The following EIF2AK4 variants were observed in gnomAD, a reference collection of about 807,000 sequenced individuals.
EIF2AK4 encodes eukaryotic translation initiation factor 2 alpha kinase 4, also known as eIF-2-alpha kinase GCN2.
In EIF2AK4, 139 loss-of-function variants were observed where a neutral mutation model predicts 211.1. That is an observed-to-expected ratio of 0.66 (90% confidence interval 0.57 to 0.76). The LOEUF (loss-of-function observed/expected upper bound fraction) is 0.76, where lower values mean the gene tolerates loss of function less well. EIF2AK4 is among the 30% of genes least tolerant of loss of function. The pLI, the probability that EIF2AK4 is intolerant of heterozygous loss-of-function variation, is 0.00. For synonymous variants in EIF2AK4, 710 were observed against 751.3 expected (o/e 0.94, Z 0.90); for missense variants, 1,664 against 2,043.8 (o/e 0.81, Z 3.58).
At chr15:40,013,166 A>AT (rs559942565) in intron 27 of EIF2AK4, among the ~76,000 whole-genome samples, 1 of 152,114 alleles carries the variant, frequency 6.6e-6, no homozygotes. Flanking sequence ...TTAAATTTAA[A>AT]TTTTTTTCTT....
chr15:39,992,459 G>T, intron 17 of EIF2AK4: 2 of 532,188 alleles, frequency 3.8e-6, no homozygotes, highest in Non-Finnish European at 6.6e-6. Context: ...TGGCTCCCAG[G>T]GGTAGACAGT....
In EIF2AK4 at chr15:39,976,548, C is replaced by T; in HGVS notation, c.1953C>T (p.Tyr651=). ...TGCACCATGAGAACATTGTGCGCTA[C>T]TACAACGCCTGGATCGAGCGGCACG... The part of the protein sequence containing the change: ...SRLHHENIVR[Y]YNAWIERHER... Residue 651 remains tyrosine, a synonymous_variant, in exon 12 of 39, where the codon TAC becomes TAT. Coordinates refer to ENST00000263791, the MANE Select transcript of EIF2AK4 (RefSeq NM_001013703.4). 6.2e-7 allele frequency: 1 copy of T among 1,613,114 alleles called. No homozygotes were observed. Among genetic ancestry groups the T allele is most frequent in the Non-Finnish European group, 8.5e-7 (1 of 1,179,910 alleles).
intron 3 of EIF2AK4, among the ~76,000 whole-genome samples, chr15:39,945,977 A>G (rs1433401799): frequency 1.3e-5 from 2 of 152,202 alleles, no homozygotes; most frequent in Non-Finnish European, 2.9e-5. Context: ...TCCCTTTAAA[A>G]TATTATTGCT....
At chr15:40,022,993 C>T (rs950331157) in intron 32 of EIF2AK4, among the ~76,000 whole-genome samples, 8 of 152,156 alleles carry the variant, frequency 5.3e-5, no homozygotes, top group African/African-American at 1.9e-4. Context: ...TCCCAAAGTG[C>T]TGGGATTACA....
At position 40,007,022 on chromosome 15, in the gene EIF2AK4, T is replaced by C; in HGVS notation, c.3364T>C (p.Phe1122Leu). 1 of 1,597,924 alleles carries C rather than the reference T, an allele frequency of 6.3e-7. No homozygotes were observed. The highest frequency in any genetic ancestry group is 1.7e-5 in the Admixed American group (1 of 59,582). ...VMLPFDLRIP[F>L]ARYVARNNIL... Reference sequence around the variant, plus strand: ...TATTTTGTTTATTTTTCAGATCCCTTTTGCAAGATATGTGGCAAGAAATAA... The same window carrying C: ...TATTTTGTTTATTTTTCAGATCCCTCTTGCAAGATATGTGGCAAGAAATAA... Residue 1122 changes from phenylalanine to leucine, a missense_variant, in exon 24 of 39, where the codon TTT (phenylalanine) becomes CTT (leucine). Phe to Leu is a conservative substitution (Grantham distance 22). Around this residue, in one of 7 missense-constraint regions of EIF2AK4, gnomAD observed 622 missense variants for 796.8 expected, o/e 0.78. Coordinates refer to ENST00000263791, the MANE Select transcript of EIF2AK4 (RefSeq NM_001013703.4).
intron 4 of EIF2AK4, among the ~76,000 whole-genome samples, chr15:39,953,417 G>T (rs2034346824): frequency 6.6e-6 from 1 of 152,186 alleles, no homozygotes; most frequent in African/African-American, 2.4e-5. Context: ...AGAAAATACA[G>T]GTGATTGAAG....
intron 3 of EIF2AK4, chr15:39,946,441 C>A: frequency 1.6e-6 from 1 of 625,250 alleles, no homozygotes; most frequent in South Asian, 1.9e-5. Context: ...TTGCTGCAAC[C>A]TCATGATAAA....
chr15:40,022,783 G>A (rs1404435736), intron 32 of EIF2AK4, among the ~76,000 whole-genome samples, 178 bp downstream of exon 32: 1 of 152,066 alleles, frequency 6.6e-6, no homozygotes, highest in Non-Finnish European at 1.5e-5. Flanking sequence ...TCCCAGGCTG[G>A]AGTGCAATGA....
intron 3 of EIF2AK4, among the ~76,000 whole-genome samples, chr15:39,944,875 T>G (rs1305677376): frequency 6.6e-6 from 1 of 152,228 alleles, no homozygotes; most frequent in East Asian, 1.9e-4. Flanking sequence ...CATAACACAA[T>G]GAGTCATAGT....
chr15:39,990,845 G>T (rs1233522536), intron 16 of EIF2AK4, among the ~76,000 whole-genome samples: 1 of 152,226 alleles, frequency 6.6e-6, no homozygotes, highest in Non-Finnish European at 1.5e-5. Flanking sequence ...ACAGGTGGAG[G>T]TTGAGGGCAG....
chr15:39,936,451 C>CG (rs2034065791), intron 1 of EIF2AK4, among the ~76,000 whole-genome samples: 1 of 152,148 alleles, frequency 6.6e-6, no homozygotes, highest in African/African-American at 2.4e-5. Context: ...TTCTCTCTGT[C>CG]GCCCGGGCTG....
intron 25 of EIF2AK4, 141 bp downstream of exon 25, chr15:40,008,336 C>T (rs1184379443): frequency 6.1e-6 from 5 of 818,794 alleles, no homozygotes; most frequent in African/African-American, 5.3e-5. Context: ...CTGAGAAGAG[C>T]TTGCTGGTGT....
chr15:39,955,670 G>A lies in EIF2AK4; in HGVS notation c.645G>A (p.Lys215=). 6.2e-7 allele frequency: 1 copy of A among 1,612,148 alleles called. No individual in the cohort carries two copies. Among genetic ancestry groups the A allele is most frequent in the South Asian group, 1.1e-5 (1 of 90,496 alleles). ...SLSNQDHTSK[K]DPGGHRTAAI... is the part of the protein sequence containing the mutation. ...CAAACCAAGATCATACCTCTAAGAA[G>A]GACCCAGGAGGACACAGAACGGCTG... The change falls in exon 6 of 39, where the codon AAG becomes AAA. Residue 215 remains lysine (K), a synonymous_variant. Transcript: ENST00000263791.
At chr15:40,016,165 A>G (rs186573150) in intron 27 of EIF2AK4, among the ~76,000 whole-genome samples, 2 of 152,320 alleles carry the variant, frequency 1.3e-5, no homozygotes, top group East Asian at 3.9e-4. Context: ...TGAGAATAAG[A>G]AAGGTAAAGA....
At chr15:39,986,855 A>T (rs1002956997) in intron 14 of EIF2AK4, among the ~76,000 whole-genome samples, 6 of 151,064 alleles carry the variant, frequency 4.0e-5, no homozygotes, top group Admixed American at 1.4e-4. Flanking sequence ...AACTCTATCT[A>T]AAAAACAAAC....
intron 35 of EIF2AK4, among the ~76,000 whole-genome samples, chr15:40,030,947 A>G (rs1314189124): frequency 6.6e-6 from 1 of 152,214 alleles, no homozygotes; most frequent in Admixed American, 6.5e-5. Flanking sequence ...TAATAAAAGC[A>G]AATAAATATA....
chr15:40,028,082 T>C (rs1157121948), intron 33 of EIF2AK4, among the ~76,000 whole-genome samples: 1 of 150,824 alleles, frequency 6.6e-6, no homozygotes, highest in African/African-American at 2.4e-5. Flanking sequence ...GCAACTCCTT[T>C]TTTTTTTTTT....
intron 11 of EIF2AK4, chr15:39,974,616 G>A (rs952062920): frequency 5.3e-5 from 8 of 152,190 alleles, no homozygotes; most frequent in Non-Finnish European, 1.2e-4. Flanking sequence ...TGATTGAAGC[G>A]TATACTGTCC....
intron 6 of EIF2AK4, 142 bp from the exon 7 acceptor site, chr15:39,961,642 C>A: frequency 1.6e-6 from 1 of 616,068 alleles, no homozygotes; most frequent in Non-Finnish European, 2.8e-6. Flanking sequence ...TGTTAGACTG[C>A]GAGTGGGCTA....
Sources: gnomAD v4.1 joint callset for allele counts (sites outside exome capture counted in the v4.1 genomes callset) on GRCh38, gnomAD v4.1.1 for gene constraint, gnomAD v4.1.1 regional missense constraint, MANE v1.5 for transcripts, NCBI Gene and HGNC (gene_info 2026-07-23, HGNC 2026-07-21) for gene names.